PDE1A: variants seen among roughly 807,000 people sequenced by gnomAD.
PDE1A encodes the protein phosphodiesterase 1A, also known as dual specificity calcium/calmodulin-dependent 3',5'-cyclic nucleotide phosphodiesterase 1A.
A neutral mutation model predicts 61.7 loss-of-function variants in PDE1A; 35 were observed. The ratio of observed to expected loss-of-function variants is 0.57; its 90% CI spans 0.43 to 0.75. The LOEUF is 0.75. Among genes scored for constraint, PDE1A ranks in the 30% least tolerant of loss-of-function variants. The pLI, the probability that PDE1A is intolerant of heterozygous loss-of-function variation, is 0.00. For synonymous variants in PDE1A, 232 were observed against 213.2 expected, an observed-to-expected ratio of 1.09 and a Z score of -0.77; for missense variants, 597 against 630.6, an observed-to-expected ratio of 0.95 and a Z score of 0.57.
exon 5 of PDE1A, chr2:182,231,131 C>A (rs758350847): frequency 3.3e-6 from 5 of 1,505,388 alleles, no homozygotes; most frequent in African/African-American, 2.8e-5. Flanking sequence ...TTATCAACAT[C>A]CTGTAGAAAA....
chr2:182,543,138 G>C, the PDE1A span, among the ~76,000 whole-genome samples: 13 of 152,230 alleles, frequency 8.5e-5, no homozygotes, highest in African/African-American at 3.1e-4. Context: ...CTCAAATCAT[G>C]CTTTATACCT....
the PDE1A span, among the ~76,000 whole-genome samples, chr2:182,679,842 T>G: frequency 4.6e-5 from 7 of 151,936 alleles, no homozygotes; most frequent in Non-Finnish European, 7.4e-5. Flanking sequence ...AAAGTGCATA[T>G]GGAAAGATAG....
chr2:182,697,378 C>T, the PDE1A span, among the ~76,000 whole-genome samples: 2 of 152,316 alleles, frequency 1.3e-5, no homozygotes, highest in East Asian at 3.9e-4. Context: ...CTAATTCTCA[C>T]AGTATTATTT....
At chr2:182,311,510 C>T (rs1474814812) in intron 1 of PDE1A, among the ~76,000 whole-genome samples, 1 of 152,164 alleles carries the variant, frequency 6.6e-6, no homozygotes, top group Non-Finnish European at 1.5e-5. Context: ...TCCCTCAATT[C>T]CCTTCCTACT....
At chr2:182,243,305 AAT>A (rs1289399795) in intron 2 of PDE1A, among the ~76,000 whole-genome samples, 1 of 152,190 alleles carries the variant, frequency 6.6e-6, no homozygotes, top group East Asian at 1.9e-4. Context: ...ATATAAGGTT[AAT>A]TATGAGAGGA....
At chr2:182,613,419 C>T in the PDE1A span, among the ~76,000 whole-genome samples, 13 of 151,822 alleles carry the variant, frequency 8.6e-5, no homozygotes, top group African/African-American at 1.5e-4. Context: ...AAAAATTAGC[C>T]GGGCATGGTG....
chr2:182,602,992 C>CACACACACATACAT, the PDE1A span, among the ~76,000 whole-genome samples: 88 of 130,492 alleles, frequency 6.7e-4, no homozygotes, highest in Middle Eastern at 8.9e-3. Flanking sequence ...CACACACACA[C>CACACACACATACAT]ACATACATAC....
intron 7 of PDE1A, among the ~76,000 whole-genome samples, chr2:182,211,041 G>C (rs1687548188): frequency 6.6e-6 from 1 of 152,162 alleles, no homozygotes; most frequent in African/African-American, 2.4e-5. Context: ...GAGTGCAAGA[G>C]AGCAAACCCT....
At chr2:182,384,228 A>G (rs1700895383) in intron 1 of PDE1A, among the ~76,000 whole-genome samples, 1 of 152,190 alleles carries the variant, frequency 6.6e-6, no homozygotes, top group Non-Finnish European at 1.5e-5. Flanking sequence ...TCAAATATGC[A>G]CACATAGACA....
At chr2:182,494,315 A>G (rs1303116571) in intron 2 of PDE1A, among the ~76,000 whole-genome samples, 1 of 122,524 alleles carries the variant, frequency 8.2e-6, no homozygotes, top group Non-Finnish European at 1.8e-5. Context: ...AAAAGAAAAG[A>G]AAAAGAAACT....
At chr2:182,352,742 G>A (rs1343651527) in intron 1 of PDE1A, among the ~76,000 whole-genome samples, 3 of 151,702 alleles carry the variant, frequency 2.0e-5, no homozygotes, top group Non-Finnish European at 4.4e-5. Context: ...TACAGTAGCT[G>A]ACTTGATGTG....
the PDE1A span, among the ~76,000 whole-genome samples, chr2:182,608,792 G>A: frequency 2.0e-5 from 3 of 152,254 alleles, no homozygotes; most frequent in Non-Finnish European, 4.4e-5. Context: ...GCCGCAGGGC[G>A]CGGGACTGGC....
At chr2:182,499,629 C>T (rs1688967470) in intron 2 of PDE1A, among the ~76,000 whole-genome samples, 1 of 152,162 alleles carries the variant, frequency 6.6e-6, no homozygotes, top group Non-Finnish European at 1.5e-5. Context: ...AGGCCTCAGG[C>T]TCCTTGATAG....
chr2:182,504,248 T>C (rs1056396673), intron 2 of PDE1A, among the ~76,000 whole-genome samples: 2 of 152,228 alleles, frequency 1.3e-5, no homozygotes, highest in African/African-American at 4.8e-5. Context: ...TTCTAAGGAA[T>C]TTAAGATTAC....
rs962531387 is a variant in PDE1A at position 182,360,071 on chromosome 2, A to G, written c.53+66507T>C. Among the ~76,000 whole-genome samples the G allele has an allele frequency of 5.3e-5, 8 of 152,060 alleles. No homozygotes were observed. The South Asian group carries it at 1.5e-3, about 28-fold the overall frequency. On this transcript the variant is annotated intron_variant, in intron 1 of 13. Coordinates refer to ENST00000351439, the Ensembl canonical transcript of PDE1A. The stretch of plus-strand genomic sequence containing the variant: ...ATTCTATGAAAACTACACACTTAAA[A>G]TGCATGACTCTGGGCTCCTTTTCTT...
At chr2:182,434,446 A>T (rs1704109157) in intron 2 of PDE1A, among the ~76,000 whole-genome samples, 2 of 152,102 alleles carry the variant, frequency 1.3e-5, no homozygotes, top group Non-Finnish European at 2.9e-5. Context: ...TGGGAAGTCC[A>T]ATATCAAGGT....
chr2:182,449,067 CACACACACACACACACACAA>C (rs1268321814), intron 2 of PDE1A, among the ~76,000 whole-genome samples: 2 of 151,038 alleles, frequency 1.3e-5, no homozygotes, highest in Non-Finnish European at 1.5e-5. Context: ...CACACACACA[CACACACACACACACACACAA>C]ACAAAACCCA....
the PDE1A span, among the ~76,000 whole-genome samples, chr2:182,590,729 G>T: frequency 5.9e-5 from 9 of 152,112 alleles, no homozygotes; most frequent in Non-Finnish European, 1.0e-4. Context: ...TATATGCAAA[G>T]ATTTCCATTA....
rs67567300 is a variant in PDE1A, at chr2:182,267,429, G to GCACA, written c.54-3019_54-3016dup. Among the ~76,000 whole-genome samples, 147 of 146,954 alleles carry GCACA rather than the reference G, an allele frequency of 1.0e-3. 2 individuals carry two copies. The highest frequency in any genetic ancestry group is 2.2e-3 in the South Asian group (10 of 4,590). On this transcript the variant is annotated intron_variant, in intron 1 of 13. Coordinates refer to ENST00000351439, the Ensembl canonical transcript of PDE1A. ...AAACCATATCCCCTCATGCACACAT[G>GCACA]CACACACACACACACACACACACAC...
Sources: allele counts gnomAD v4.1 joint callset (sites outside exome capture counted in the v4.1 genomes callset), GRCh38; gene constraint gnomAD v4.1.1; transcripts MANE v1.5; gene names NCBI Gene and HGNC (gene_info 2026-07-23, HGNC 2026-07-21).